CNTNAP5: variants seen among roughly 807,000 people sequenced by gnomAD.
CNTNAP5 encodes the protein contactin associated protein family member 5.
CNTNAP5 carries 72 observed loss-of-function variants against 150.2 expected under a neutral mutation model. That is an observed-to-expected ratio of 0.48 (90% CI 0.40 to 0.58). The LOEUF is 0.58. Among genes scored for constraint, CNTNAP5 ranks in the 20% least tolerant of loss-of-function variants. The pLI is 0.00. For synonymous variants in CNTNAP5, 672 were observed against 619.8 expected, an observed-to-expected ratio of 1.08 and a Z score of -1.25; for missense variants, 1,636 against 1,626.2, an observed-to-expected ratio of 1.01 and a Z score of -0.10.
Position 124,504,527 on chromosome 2 carries a change from T to C in CNTNAP5, c.1298T>C (p.Met433Thr). The change falls in exon 8 of 24, where the codon ATG becomes ACG. Residue 433 changes from methionine (M) to threonine (T), a missense_variant. By Grantham distance (81) the Met-to-Thr change is moderately conservative. Transcript: ENST00000682447. ...GGILRLVIQK[M>T]TERVAEILTG... ...ATCCTGAGACTCGTGATTCAGAAAA[T>C]GACAGAACGCGTAGCTGAAATCCTC... The C allele has an allele frequency of 1.9e-6, 3 of 1,613,708 alleles. No individual in the cohort carries two copies. The highest frequency in any genetic ancestry group is 2.5e-6 in the Non-Finnish European group (3 of 1,179,824).
chr2:124,875,468 G>A lies in CNTNAP5; in HGVS notation c.3436+5706G>A, dbSNP rs558687753. Among the ~76,000 whole-genome samples the A allele has an allele frequency of 3.9e-5, 6 of 152,126 alleles. No individual in the cohort carries two copies. The South Asian group carries it at 8.3e-4, about 21-fold the overall frequency. ...ATTGACCCATGTTTGCATCTCTCAT[G>A]TAGTTAACCATTGTGTGACCTTGGT... On this transcript the variant is annotated intron_variant, in intron 21 of 23. Coordinates refer to ENST00000682447, the MANE Select transcript of CNTNAP5 (RefSeq NM_001367498.1).
At chr2:124,649,745 A>G (rs558708675) in intron 13 of CNTNAP5, among the ~76,000 whole-genome samples, 41 of 152,286 alleles carry the variant, frequency 2.7e-4, no homozygotes, top group African/African-American at 8.9e-4. Context: ...AAAAGTTTGC[A>G]TGAAAATCCT....
In CNTNAP5 at chr2:124,527,383, C is replaced by T. The variant is rs375142994; in HGVS notation, c.1576C>T (p.Leu526Phe). 122 of 1,613,576 alleles carry T rather than the reference C, an allele frequency of 7.6e-5. No individual in the cohort carries two copies. Among genetic ancestry groups the T allele is most frequent in the Non-Finnish European group, 9.7e-5 (114 of 1,179,694 alleles). The change falls in exon 10 of 24, where the codon CTC becomes TTC. Residue 526 changes from leucine to phenylalanine, a missense_variant. Coordinates refer to ENST00000682447, the MANE Select transcript of CNTNAP5 (RefSeq NM_001367498.1). ...CTTTATTGATAACCAGCCCAAGGAC[C>T]TCATTTCAGTTCAGCAAGGTTCCCT... ...LIFIDNQPKD[L>F]ISVQQGSLGN...
At chr2:124,410,976 C>T (rs907289455) in intron 3 of CNTNAP5, among the ~76,000 whole-genome samples, 38 of 151,946 alleles carry the variant, frequency 2.5e-4, no homozygotes, top group South Asian at 2.1e-4. Flanking sequence ...AATTGATAGA[C>T]CGCTAGCAGG....
At chr2:124,326,472 G>C (rs1689220312) in intron 3 of CNTNAP5, among the ~76,000 whole-genome samples, 1 of 152,124 alleles carries the variant, frequency 6.6e-6, no homozygotes, top group Admixed American at 6.6e-5. Flanking sequence ...GTGCTTGACA[G>C]AGAAAAAAAC....
At chr2:124,655,494 C>T (rs1367208238) in intron 13 of CNTNAP5, among the ~76,000 whole-genome samples, 2 of 151,486 alleles carry the variant, frequency 1.3e-5, no homozygotes, top group African/African-American at 4.8e-5. Context: ...ATTTATAATC[C>T]TTTGGGTTAT....
At chr2:124,091,231 G>T (rs890818407) in intron 1 of CNTNAP5, among the ~76,000 whole-genome samples, 1 of 152,158 alleles carries the variant, frequency 6.6e-6, no homozygotes, top group East Asian at 1.9e-4. Context: ...AAGAAGAACG[G>T]ATCAGTATAA....
chr2:124,741,192 A>G (rs1167922440), intron 13 of CNTNAP5, among the ~76,000 whole-genome samples: 1 of 152,318 alleles, frequency 6.6e-6, no homozygotes, highest in East Asian at 1.9e-4. Flanking sequence ...ACTTAGAAAA[A>G]TGTAAAGAGA....
At chr2:124,312,770 C>T (rs1185383006) in intron 3 of CNTNAP5, among the ~76,000 whole-genome samples, 1 of 152,184 alleles carries the variant, frequency 6.6e-6, no homozygotes, top group East Asian at 1.9e-4. Flanking sequence ...CGGGGTTTCA[C>T]CATGTTAGCC....
At chr2:124,711,038 A>G (rs1327359939) in intron 13 of CNTNAP5, among the ~76,000 whole-genome samples, 1 of 152,056 alleles carries the variant, frequency 6.6e-6, no homozygotes, top group African/African-American at 2.4e-5. Context: ...TTTGGGAGGC[A>G]GAGGCGGGTG....
At chr2:124,465,940 G>T (rs1008275211) in intron 6 of CNTNAP5, among the ~76,000 whole-genome samples, 16 of 152,032 alleles carry the variant, frequency 1.1e-4, no homozygotes, top group Admixed American at 2.0e-4. Context: ...TGTCAGTCAG[G>T]GTAGGCATCA....
intron 19 of CNTNAP5, among the ~76,000 whole-genome samples, chr2:124,833,927 A>G (rs977703031): frequency 2.6e-5 from 4 of 152,212 alleles, no homozygotes; most frequent in African/African-American, 9.6e-5. Context: ...GAGGAGCTGC[A>G]CATCATCACA....
intron 3 of CNTNAP5, among the ~76,000 whole-genome samples, chr2:124,394,308 C>T (rs1241003447): frequency 6.8e-6 from 1 of 146,390 alleles, no homozygotes; most frequent in African/African-American, 2.5e-5. Context: ...GGAAGCAGAA[C>T]TTTCAGATAG....
At chr2:124,763,198 A>G (rs1558765888) in intron 14 of CNTNAP5, among the ~76,000 whole-genome samples, 2 of 152,164 alleles carry the variant, frequency 1.3e-5, no homozygotes, top group Non-Finnish European at 2.9e-5. Flanking sequence ...ACCTCGAGTT[A>G]AAAGGTGGTT....
chr2:124,623,380 CA>C (rs1323839835), intron 12 of CNTNAP5, among the ~76,000 whole-genome samples: 3 of 152,108 alleles, frequency 2.0e-5, no homozygotes, highest in Non-Finnish European at 4.4e-5. Flanking sequence ...CCATGGCTTA[CA>C]ATGTTTGAAG....
chr2:124,628,784 A>G (rs1459387652), intron 12 of CNTNAP5, among the ~76,000 whole-genome samples: 1 of 152,148 alleles, frequency 6.6e-6, no homozygotes, highest in Non-Finnish European at 1.5e-5. Context: ...GGGTACTAAG[A>G]CCAGACCCAT....
At chr2:124,524,218 C>A in intron 8 of CNTNAP5, 85 bp from the exon 9 acceptor site, 2 of 1,405,776 alleles carry the variant, frequency 1.4e-6, no homozygotes, top group Non-Finnish European at 2.0e-6. Context: ...ATGGCATGGA[C>A]GGCAGCAGGC....
At chr2:124,756,151 A>G (rs768819773) in intron 14 of CNTNAP5, among the ~76,000 whole-genome samples, 3 of 152,296 alleles carry the variant, frequency 2.0e-5, no homozygotes, top group African/African-American at 4.8e-5. Flanking sequence ...ACATTGATTT[A>G]TAGAAGTTAA....
At chr2:124,173,072 A>T (rs1309932598) in intron 1 of CNTNAP5, among the ~76,000 whole-genome samples, 1 of 152,016 alleles carries the variant, frequency 6.6e-6, no homozygotes, top group Non-Finnish European at 1.5e-5. Context: ...AGTGATCTTT[A>T]ATGTTAGTTA....
Sources: allele counts gnomAD v4.1 joint callset (sites outside exome capture counted in the v4.1 genomes callset), GRCh38; gene constraint gnomAD v4.1.1; transcripts MANE v1.5; gene names NCBI Gene and HGNC (gene_info 2026-07-23, HGNC 2026-07-21).